MAGI3: variants seen among roughly 807,000 people sequenced by gnomAD.
MAGI3 encodes membrane-associated guanylate kinase, WW and PDZ domain-containing protein 3.
A neutral mutation model predicts 121.8 loss-of-function variants in MAGI3; 43 were observed. The ratio of observed to expected loss-of-function variants is 0.35; its 90% CI spans 0.28 to 0.46. The LOEUF (loss-of-function observed/expected upper bound fraction) is 0.46, where lower values mean the gene tolerates loss of function less well. Ranked by LOEUF, MAGI3 falls within the 20% of genes least tolerant of loss-of-function variation. MAGI3 has a pLI of 1.00. For synonymous variants in MAGI3, 553 were observed against 639.3 expected (o/e 0.86, Z 2.04); for missense variants, 1,547 against 1,797.3 (o/e 0.86, Z 2.52).
chr1:113,575,750 C>T (rs1244445698), intron 2 of MAGI3, among the ~76,000 whole-genome samples: 5 of 152,206 alleles, frequency 3.3e-5, no homozygotes, highest in African/African-American at 9.7e-5. Context: ...TCTTCAGAGT[C>T]GGCAGGCAGG....
At chr1:113,479,425 C>A (rs992854718) in intron 1 of MAGI3, among the ~76,000 whole-genome samples, 2 of 152,170 alleles carry the variant, frequency 1.3e-5, no homozygotes, top group African/African-American at 4.8e-5. Flanking sequence ...AATATGTCAT[C>A]TCATTCTCTC....
chr1:113,528,340 A>G (rs1658550568), intron 1 of MAGI3, among the ~76,000 whole-genome samples: 1 of 150,804 alleles, frequency 6.6e-6, no homozygotes, highest in South Asian at 2.1e-4. Flanking sequence ...AGAGAGCAGA[A>G]TGTTCTAAAT....
At chr1:113,671,385 C>A (rs1647543103) in intron 16 of MAGI3, among the ~76,000 whole-genome samples, 1 of 152,046 alleles carries the variant, frequency 6.6e-6, no homozygotes, top group South Asian at 2.1e-4. Context: ...TAGGTGTGTG[C>A]TCTGGAAGCC....
chr1:113,527,982 G>A (rs748671531), intron 1 of MAGI3, among the ~76,000 whole-genome samples: 8 of 152,132 alleles, frequency 5.3e-5, no homozygotes, highest in Non-Finnish European at 8.8e-5. Flanking sequence ...GTGTGTGTAT[G>A]CGTACATGTC....
rs571272437 is a variant in MAGI3, at chr1:113,590,943, G to A, written c.938+285G>A. 5.0e-4 allele frequency among the ~76,000 whole-genome samples: 76 copies of A among 152,104 alleles called. No homozygotes were observed. The South Asian group carries it at 0.015, about 31-fold the overall frequency. On this transcript the variant is annotated intron_variant, in intron 5 of 20. Coordinates refer to ENST00000307546, the MANE Select transcript of MAGI3 (RefSeq NM_001142782.2). ...ATGGTGAAAAATGTAAAGAATAAAG[G>A]GTATTTTGCTTGGCTTTTTAAAAAG...
chr1:113,415,263 G>A (rs1261757930), intron 1 of MAGI3, among the ~76,000 whole-genome samples: 1 of 152,022 alleles, frequency 6.6e-6, no homozygotes, highest in Admixed American at 6.6e-5. Flanking sequence ...AAGGAAAGTA[G>A]GAATGTTGGG....
In MAGI3 at chr1:113,390,948, G is replaced by T. The variant is rs12568854; in HGVS notation, c.-86G>T. 1,146 of 1,230,600 alleles carry T rather than the reference G, an allele frequency of 9.3e-4. 10 individuals are homozygous for T. In the African/African-American group the frequency reaches 0.017, roughly 18 times the overall value. 76.2% of individuals were successfully genotyped at this position (1,230,600 alleles called of 1,614,324 possible). Reference sequence around the variant, plus strand: ...CCCCCCTTACCGGGCTGCGCGGGCCGCCCAGGGCCCCCGGGCTGAGACGGG... The same window carrying T: ...CCCCCCTTACCGGGCTGCGCGGGCCTCCCAGGGCCCCCGGGCTGAGACGGG... On this transcript the variant is annotated 5_prime_UTR_variant, in exon 1 of 21. Transcript: ENST00000307546.
intron 9 of MAGI3, among the ~76,000 whole-genome samples, chr1:113,635,661 C>G (rs1651961358): frequency 6.6e-6 from 1 of 152,232 alleles, no homozygotes; most frequent in East Asian, 1.9e-4. Flanking sequence ...CATCAATGTT[C>G]ATCAAGGATA....
intron 9 of MAGI3, among the ~76,000 whole-genome samples, chr1:113,635,538 G>A (rs1019133120): frequency 2.4e-4 from 37 of 152,204 alleles, no homozygotes; most frequent in African/African-American, 8.2e-4. Flanking sequence ...TTACTGATTT[G>A]CGTATATTGA....
At chr1:113,583,709 G>T (rs1192344391) in intron 3 of MAGI3, among the ~76,000 whole-genome samples, 1 of 151,950 alleles carries the variant, frequency 6.6e-6, no homozygotes, top group Non-Finnish European at 1.5e-5. Flanking sequence ...AGCGTGACTG[G>T]CTTTTTCATT....
intron 1 of MAGI3, among the ~76,000 whole-genome samples, chr1:113,525,257 T>C (rs1244825099): frequency 6.6e-6 from 1 of 152,226 alleles, no homozygotes; most frequent in East Asian, 1.9e-4. Flanking sequence ...TTTTCCTTTT[T>C]TTATTCTTTC....
At chr1:113,417,401 T>C (rs188176113) in intron 1 of MAGI3, among the ~76,000 whole-genome samples, 17 of 152,228 alleles carry the variant, frequency 1.1e-4, no homozygotes, top group African/African-American at 4.1e-4. Context: ...ACCACATTTA[T>C]TGATTTCTGA....
At chr1:113,672,138 T>C (rs3748003) in intron 17 of MAGI3, among the ~76,000 whole-genome samples, 33,302 of 152,250 alleles carry the variant, frequency 0.22, 4,521 homozygotes, top group South Asian at 0.39. Flanking sequence ...TTGGTCCTCA[T>C]AGTTTTCATA....
chr1:113,565,831 G>A (rs1157999830), intron 2 of MAGI3, among the ~76,000 whole-genome samples: 2 of 152,202 alleles, frequency 1.3e-5, no homozygotes, highest in Non-Finnish European at 2.9e-5. Flanking sequence ...ACTGACTTGA[G>A]TGTATTGTGA....
intron 1 of MAGI3, among the ~76,000 whole-genome samples, chr1:113,418,716 G>A (rs1417012981): frequency 6.6e-6 from 1 of 151,928 alleles, no homozygotes; most frequent in Non-Finnish European, 1.5e-5. Context: ...GTGCCTAGTG[G>A]TCCTCAATAA....
chr1:113,423,826 TCC>T (rs1652857282), intron 1 of MAGI3, among the ~76,000 whole-genome samples: 1 of 143,724 alleles, frequency 7.0e-6, no homozygotes, highest in Non-Finnish European at 1.5e-5. Flanking sequence ...GAGCCTCCCT[TCC>T]ATGCTTGTTG....
chr1:113,536,808 T>C, intron 1 of MAGI3, among the ~76,000 whole-genome samples: 1 of 152,206 alleles, frequency 6.6e-6, no homozygotes, highest in Middle Eastern at 3.4e-3. Context: ...CTAAGGATAG[T>C]TTTTGATATT....
At chr1:113,548,532 A>G (rs1466141400) in intron 1 of MAGI3, among the ~76,000 whole-genome samples, 1 of 152,252 alleles carries the variant, frequency 6.6e-6, no homozygotes, top group African/African-American at 2.4e-5. Context: ...AGGTAGGGCC[A>G]GTTTGGCCTT....
intron 9 of MAGI3, among the ~76,000 whole-genome samples, chr1:113,634,609 C>T (rs958493636): frequency 3.3e-5 from 5 of 152,112 alleles, no homozygotes; most frequent in Admixed American, 6.5e-5. Flanking sequence ...TGTTTTGGTA[C>T]CAGTACCATG....
Sources: gnomAD v4.1 joint callset for allele counts (sites outside exome capture counted in the v4.1 genomes callset) on GRCh38, gnomAD v4.1.1 for gene constraint, MANE v1.5 for transcripts, NCBI Gene and HGNC (gene_info 2026-07-23, HGNC 2026-07-21) for gene names.